SLX4IP: variants seen among roughly 807,000 people sequenced by gnomAD.
SLX4IP encodes the protein SLX4 interacting protein.
SLX4IP carries 34 observed loss-of-function variants against 32.9 expected under a neutral mutation model. That is an observed-to-expected ratio of 1.03 (90% confidence interval 0.79 to 1.38). The LOEUF (loss-of-function observed/expected upper bound fraction) is 1.38. Among genes scored for constraint, SLX4IP ranks in the 40% most tolerant of loss-of-function variants. The pLI, the probability that SLX4IP is intolerant of heterozygous loss-of-function variation, is 0.00. For missense variants in SLX4IP, 444 were observed against 479.0 expected (o/e 0.93, Z 0.68); for synonymous variants, 172 against 171.7 (o/e 1.00, Z -0.01).
chr20:10,492,811 A>T (rs1315169897), intron 2 of SLX4IP, among the ~76,000 whole-genome samples: 1 of 152,120 alleles, frequency 6.6e-6, no homozygotes, highest in Non-Finnish European at 1.5e-5. Context: ...TTCCCAATGG[A>T]TAATTAGTTA....
chr20:10,487,437 A>G (rs2065584478), intron 2 of SLX4IP, among the ~76,000 whole-genome samples: 1 of 152,222 alleles, frequency 6.6e-6, no homozygotes, highest in Non-Finnish European at 1.5e-5. Context: ...ATAGTGAGAC[A>G]ATATGACAAT....
At chr20:10,559,827 T>C (rs1246899993) in intron 3 of SLX4IP, among the ~76,000 whole-genome samples, 2 of 152,172 alleles carry the variant, frequency 1.3e-5, no homozygotes, top group African/African-American at 4.8e-5. Context: ...TTAGAGAAAT[T>C]ATATTATTTT....
Position 10,594,496 on chromosome 20 carries a change from G to A in SLX4IP, c.239-4179G>A, listed in dbSNP as rs1030632626. On this transcript the variant is annotated intron_variant, in intron 4 of 7. Transcript: ENST00000334534. Reference sequence around the variant, plus strand: ...GTTACGCACCAGACCACAGACTCCCGTTGGCAGCTGTGGGGAAGCTCAAGT... The same window carrying A: ...GTTACGCACCAGACCACAGACTCCCATTGGCAGCTGTGGGGAAGCTCAAGT... Among the ~76,000 whole-genome samples the A allele has an allele frequency of 3.9e-5, 6 of 152,308 alleles. No homozygotes were observed. The South Asian group carries it at 6.2e-4, about 16-fold the overall frequency.
intron 1 of SLX4IP, among the ~76,000 whole-genome samples, chr20:10,448,892 T>C (rs1751239235): frequency 6.6e-6 from 1 of 152,152 alleles, no homozygotes; most frequent in African/African-American, 2.4e-5. Context: ...AATAAAAAGG[T>C]TATATGCATA....
intron 2 of SLX4IP, among the ~76,000 whole-genome samples, chr20:10,465,856 A>G (rs1470759087): frequency 6.6e-6 from 1 of 152,194 alleles, no homozygotes; most frequent in Admixed American, 6.5e-5. Flanking sequence ...CTGCATTTCA[A>G]ATGTTCAGTA....
At chr20:10,453,988 A>C (rs1006184079) in intron 1 of SLX4IP, among the ~76,000 whole-genome samples, 1 of 152,038 alleles carries the variant, frequency 6.6e-6, no homozygotes, top group Non-Finnish European at 1.5e-5. Flanking sequence ...GTCTTCTGAT[A>C]GTTCTCTTTT....
chr20:10,491,977 T>C (rs1218471087), intron 2 of SLX4IP, among the ~76,000 whole-genome samples: 1 of 152,252 alleles, frequency 6.6e-6, no homozygotes, highest in Non-Finnish European at 1.5e-5. Context: ...TCAAAGTTAG[T>C]ATAAATGGTA....
At chr20:10,476,848 A>ACTAT (rs2065478638) in intron 2 of SLX4IP, among the ~76,000 whole-genome samples, 2 of 152,226 alleles carry the variant, frequency 1.3e-5, no homozygotes, top group African/African-American at 4.8e-5. Context: ...TTTACCCATC[A>ACTAT]CTATCTTTAA....
chr20:10,523,211 A>G (rs1314634012), intron 2 of SLX4IP, among the ~76,000 whole-genome samples: 1 of 152,170 alleles, frequency 6.6e-6, no homozygotes, highest in Admixed American at 6.5e-5. Context: ...TCCACCTGAA[A>G]GGGATGCTAT....
rs978457831 is a variant in SLX4IP, at chr20:10,623,578, C to T, written c.*199C>T. On this transcript the variant is annotated 3_prime_UTR_variant, in exon 8 of 8. Transcript: ENST00000334534. ...GGAGGCTATATGCTTGTTCTAACAGCGTTGCTTCTTTATCATTGTATTTTA... is the reference window on the plus strand; with the variant it reads ...GGAGGCTATATGCTTGTTCTAACAGTGTTGCTTCTTTATCATTGTATTTTA... 2.8e-5 allele frequency: 20 copies of T among 704,610 alleles called. No homozygotes were observed. Among genetic ancestry groups the T allele is most frequent in the African/African-American group, 8.9e-5 (5 of 55,880 alleles). 43.6% of individuals were successfully genotyped at this position (704,610 alleles called of 1,614,324 possible). A position where few individuals can be genotyped will look rare whatever the true frequency, so the allele number is the denominator to read the frequency against.
intron 2 of SLX4IP, among the ~76,000 whole-genome samples, chr20:10,461,494 C>T (rs1051693542): frequency 6.6e-6 from 1 of 152,206 alleles, no homozygotes; most frequent in Admixed American, 6.5e-5. Flanking sequence ...TGTATTTCTG[C>T]CTCTGACAGG....
At chr20:10,440,059 T>A (rs182349911) in intron 1 of SLX4IP, among the ~76,000 whole-genome samples, 1 of 152,338 alleles carries the variant, frequency 6.6e-6, no homozygotes, top group Admixed American at 6.5e-5. Context: ...ATATATAGAA[T>A]ATGGCTATTA....
chr20:10,547,961 A>T (rs684685), intron 2 of SLX4IP, among the ~76,000 whole-genome samples: 88,343 of 151,980 alleles, frequency 0.58, 26,206 homozygotes, highest in South Asian at 0.75. Flanking sequence ...TCAGTGTGAC[A>T]CTTTTATAAC....
chr20:10,528,202 C>T (rs535789873), intron 2 of SLX4IP, among the ~76,000 whole-genome samples: 242 of 152,168 alleles, frequency 1.6e-3, no homozygotes, highest in African/African-American at 5.6e-3. Context: ...AGTTTTCTAA[C>T]TTTGCGCTAT....
At chr20:10,582,289 T>G (rs1281545764) in intron 4 of SLX4IP, among the ~76,000 whole-genome samples, 1 of 152,138 alleles carries the variant, frequency 6.6e-6, no homozygotes, top group East Asian at 1.9e-4. Context: ...AGAGTGTCAG[T>G]CTGTTTGTTT....
At chr20:10,545,333 G>A (rs2066151883) in intron 2 of SLX4IP, among the ~76,000 whole-genome samples, 1 of 152,106 alleles carries the variant, frequency 6.6e-6, no homozygotes, top group Non-Finnish European at 1.5e-5. Flanking sequence ...CTGAGGTTGT[G>A]TTTTAGTTTG....
chr20:10,452,544 T>C (rs774741678), intron 1 of SLX4IP, among the ~76,000 whole-genome samples: 53 of 151,816 alleles, frequency 3.5e-4, no homozygotes, highest in Non-Finnish European at 7.4e-5. Context: ...CATGCACCTG[T>C]AATCCCGGCT....
chr20:10,523,027 C>CACTATTCTTCCCTGCCT (rs1316988059), intron 2 of SLX4IP, among the ~76,000 whole-genome samples: 1 of 152,158 alleles, frequency 6.6e-6, no homozygotes, highest in Non-Finnish European at 1.5e-5. Flanking sequence ...TCTCCCGGCC[C>CACTATTCTTCCCTGCCT]ACTATTCTTC....
intron 2 of SLX4IP, among the ~76,000 whole-genome samples, chr20:10,546,247 T>C (rs2066160961): frequency 6.6e-6 from 1 of 152,214 alleles, no homozygotes; most frequent in Non-Finnish European, 1.5e-5. Context: ...GACGAGTACA[T>C]TGCAGTTTCT....
Sources: gnomAD v4.1 joint callset for allele counts (sites outside exome capture counted in the v4.1 genomes callset) on GRCh38, gnomAD v4.1.1 for gene constraint, MANE v1.5 for transcripts, NCBI Gene and HGNC (gene_info 2026-07-23, HGNC 2026-07-21) for gene names.